Variants in ATP1A1 observed in about 807,000 individuals in gnomAD.
The protein encoded by ATP1A1 is ATPase Na+/K+ transporting subunit alpha 1.
In ATP1A1, 14 loss-of-function variants were observed where a neutral mutation model predicts 114.8. That is an observed-to-expected ratio of 0.12 (90% CI 0.08 to 0.19). The LOEUF (loss-of-function observed/expected upper bound fraction) is 0.19. Among genes scored for constraint, ATP1A1 ranks in the 10% least tolerant of loss-of-function variants. The probability of loss-of-function intolerance (pLI) is 1.00; values close to 1 mark genes in which losing one functional copy is unlikely to be tolerated. For missense variants in ATP1A1, 524 were observed against 1,290.7 expected (o/e 0.41, Z 9.10); for synonymous variants, 471 against 466.3 (o/e 1.01, Z -0.13).
Position 116,399,283 on chromosome 1 carries a change from C to A in ATP1A1, c.2449-137C>A. ...AAGGCAGCAGTTAACATTTGTTTAT[C>A]AGATGGGAATCTTTATTTTTGTATA... On this transcript the variant is annotated intron_variant, in intron 17 of 22. Transcript: ENST00000295598. This position sits in a 1 kb window ranked among gnomAD's most constrained non-coding sequence, Gnocchi z 5.0. The A allele has an allele frequency of 1.4e-6, 2 of 1,392,968 alleles. No individual in the cohort carries two copies. The highest frequency in any genetic ancestry group is 2.8e-5 in the South Asian group (2 of 70,986). The allele number at this position is 1,392,968 out of a possible 1,614,324, so 86.3% of individuals were successfully genotyped here.
intron 21 of ATP1A1, among the ~76,000 whole-genome samples, chr1:116,403,609 A>C (rs1416344199): frequency 6.6e-6 from 1 of 152,210 alleles, no homozygotes; most frequent in Non-Finnish European, 1.5e-5. Context: ...CTATAAACCA[A>C]GTCTTATGAA....
intron 1 of ATP1A1, among the ~76,000 whole-genome samples, chr1:116,375,462 C>G (rs1475535940): frequency 6.6e-6 from 1 of 152,210 alleles, no homozygotes; most frequent in Non-Finnish European, 1.5e-5. Flanking sequence ...GGCACACATG[C>G]ACAGTAGTGA....
intron 1 of ATP1A1, among the ~76,000 whole-genome samples, chr1:116,377,314 T>TA (rs1486187583): frequency 6.6e-6 from 1 of 152,216 alleles, no homozygotes; most frequent in Non-Finnish European, 1.5e-5. Flanking sequence ...CTTACATAGG[T>TA]ACAGTAATTA....
intron 18 of ATP1A1, among the ~76,000 whole-genome samples, 195 bp from the exon 19 acceptor site, chr1:116,400,666 G>T (rs553532142): frequency 1.3e-5 from 2 of 152,142 alleles, no homozygotes; most frequent in Non-Finnish European, 2.9e-5. Context: ...TGAGATTGGA[G>T]TGTATGCCTG....
intron 12 of ATP1A1, among the ~76,000 whole-genome samples, chr1:116,394,599 C>A (rs1652752891): frequency 6.6e-6 from 1 of 151,898 alleles, no homozygotes. Flanking sequence ...AGATGATAAA[C>A]CCCCTGGGCA....
In ATP1A1 at chr1:116,398,092, G is replaced by C; in HGVS notation, c.2124+54G>C. On this transcript the variant is annotated intron_variant, in intron 15 of 22. Transcript: ENST00000295598. This position sits in a 1 kb window ranked among gnomAD's most constrained non-coding sequence, Gnocchi z 6.1. ...TGGGCACTATTGGCTTTAGGGATTG[G>C]AGTTCCAGTGGAAACAGAGCAACGG... 6.3e-7 allele frequency: 1 copy of C among 1,599,158 alleles called. No individual in the cohort carries two copies. The highest frequency in any genetic ancestry group is 8.5e-7 in the Non-Finnish European group (1 of 1,171,864).
chr1:116,383,878 T>C, intron 1 of ATP1A1, 136 bp from the exon 2 acceptor site: 3 of 698,946 alleles, frequency 4.3e-6, no homozygotes, highest in South Asian at 1.9e-5. Context: ...TGGGTATACA[T>C]TTTCCTGACT....
At position 116,393,347 on chromosome 1, in the gene ATP1A1, C is replaced by G. The variant is rs1306366267; in HGVS notation, c.1468-184C>G. On this transcript the variant is annotated intron_variant, in intron 11 of 22. Transcript: ENST00000295598. The surrounding 1 kb of genome is among the most constrained non-coding windows in gnomAD (Gnocchi z 5.0). Reference sequence around the variant, plus strand: ...AGGAATTTATGAATATATCATAGTGCTCATTTTTTTTTTTTTCTGTAGCAT... The same window carrying G: ...AGGAATTTATGAATATATCATAGTGGTCATTTTTTTTTTTTTCTGTAGCAT... 7.3e-6 allele frequency among the ~76,000 whole-genome samples: 1 copy of G among 136,386 alleles called. No individual in the cohort carries two copies. The highest frequency in any genetic ancestry group is 3.7e-5 in the African/African-American group (1 of 26,706). The allele number at this position is 136,386 out of a possible 152,430, so 89.5% of individuals were successfully genotyped here.
chr1:116,403,413 C>A (rs1653690860), intron 21 of ATP1A1, among the ~76,000 whole-genome samples: 1 of 152,212 alleles, frequency 6.6e-6, no homozygotes, highest in African/African-American at 2.4e-5. Context: ...ATCCCAAATG[C>A]TGTTGTCAGA....
Position 116,404,068 on chromosome 1 carries a change from C to G in ATP1A1, c.3043+93C>G. On this transcript the variant is annotated intron_variant, in intron 22 of 22. Transcript: ENST00000295598. This position sits in a 1 kb window ranked among gnomAD's most constrained non-coding sequence, Gnocchi z 4.8. ...GTTTCCCTCAAGGTGTCTAGGCTCC[C>G]TCAGTGGTCAGTCTGATTAGCTAAG... The G allele has an allele frequency of 8.0e-7, 1 of 1,249,626 alleles. No homozygotes were observed. The allele number at this position is 1,249,626 out of a possible 1,614,324, so 77.4% of individuals were successfully genotyped here. A position where few individuals can be genotyped will look rare whatever the true frequency, so the allele number is the denominator to read the frequency against.
chr1:116,377,892 TG>T (rs1474673568), intron 1 of ATP1A1, among the ~76,000 whole-genome samples: 1 of 152,222 alleles, frequency 6.6e-6, no homozygotes, highest in African/African-American at 2.4e-5. Context: ...TACATGATAA[TG>T]TGCAGTAGAG....
At chr1:116,403,831 T>C in intron 21 of ATP1A1, 53 bp from the exon 22 acceptor site, 1 of 1,466,910 alleles carries the variant, frequency 6.8e-7, no homozygotes, top group South Asian at 1.2e-5. Flanking sequence ...TTCTCTTTCT[T>C]TATTTGAACT....
At chr1:116,390,042 A>C in intron 8 of ATP1A1, 171 bp from the exon 9 acceptor site, 1 of 727,588 alleles carries the variant, frequency 1.4e-6, no homozygotes, top group Non-Finnish European at 2.3e-6. Flanking sequence ...GCTTTTCTGG[A>C]AGGAAGGGGA....
Position 116,386,690 on chromosome 1 carries a change from G to A in ATP1A1, c.184-598G>A, listed in dbSNP as rs75085924. On this transcript the variant is annotated intron_variant, in intron 3 of 22. Coordinates refer to ENST00000295598, the MANE Select transcript of ATP1A1 (RefSeq NM_000701.8). Reference sequence around the variant, plus strand: ...AAAAATAGCAGGCTTTAGTAGAGTGGTTTTTTCCAGTGAGTACTTTTCAGT... The same window carrying A: ...AAAAATAGCAGGCTTTAGTAGAGTGATTTTTTCCAGTGAGTACTTTTCAGT... Among the ~76,000 whole-genome samples the A allele has an allele frequency of 9.0e-3, 1,369 of 152,210 alleles. 19 individuals carry two copies. The highest frequency in any genetic ancestry group is 0.031 in the African/African-American group (1,286 of 41,520).
At chr1:116,374,170 T>C in intron 1 of ATP1A1, 6 of 1,549,918 alleles carry the variant, frequency 3.9e-6, no homozygotes, top group Non-Finnish European at 5.2e-6. Context: ...TGGCTGCTTC[T>C]AAGTGCGAAG....
chr1:116,377,024 C>T (rs953729659), intron 1 of ATP1A1, among the ~76,000 whole-genome samples: 2 of 152,198 alleles, frequency 1.3e-5, no homozygotes, highest in African/African-American at 4.8e-5. Flanking sequence ...AGTGACTTTC[C>T]ATTCAAATCA....
At position 116,399,282 on chromosome 1, in the gene ATP1A1, T is replaced by A; in HGVS notation, c.2449-138T>A. The A allele has an allele frequency of 7.2e-7, 1 of 1,393,776 alleles. No individual in the cohort carries two copies. Among genetic ancestry groups the A allele is most frequent in the South Asian group, 1.4e-5 (1 of 71,006 alleles). 86.3% of individuals were successfully genotyped at this position (1,393,776 alleles called of 1,614,324 possible). On this transcript the variant is annotated intron_variant, in intron 17 of 22. Coordinates refer to ENST00000295598, the MANE Select transcript of ATP1A1 (RefSeq NM_000701.8). The surrounding 1 kb of genome is among the most constrained non-coding windows in gnomAD (Gnocchi z 5.0). ...CAAGGCAGCAGTTAACATTTGTTTA[T>A]CAGATGGGAATCTTTATTTTTGTAT...
rs867319873 is a variant in ATP1A1 at position 116,397,728 on chromosome 1, T to A, written c.1974-160T>A. Reference sequence around the variant, plus strand: ...AAATATATGAAAATGCTCTGTAACCTGTAAAGTACTGAACACTTAATAGCT... The same window carrying A: ...AAATATATGAAAATGCTCTGTAACCAGTAAAGTACTGAACACTTAATAGCT... On this transcript the variant is annotated intron_variant, in intron 14 of 22. Transcript: ENST00000295598. This position sits in a 1 kb window ranked among gnomAD's most constrained non-coding sequence, Gnocchi z 4.2. Among the ~76,000 whole-genome samples the A allele has an allele frequency of 7.9e-5, 12 of 152,348 alleles. No homozygotes were observed. Among genetic ancestry groups the A allele is most frequent in the South Asian group, 2.1e-4 (1 of 4,828 alleles).
chr1:116,378,561 T>C (rs1347174223), intron 1 of ATP1A1, among the ~76,000 whole-genome samples: 1 of 152,176 alleles, frequency 6.6e-6, no homozygotes, highest in Non-Finnish European at 1.5e-5. Flanking sequence ...TCTGTTACCA[T>C]GTAGGGGCAG....
Sources: gnomAD v4.1 joint callset for allele counts (sites outside exome capture counted in the v4.1 genomes callset) on GRCh38, gnomAD v4.1.1 for gene constraint, Gnocchi (gnomAD v3.1) non-coding constraint, MANE v1.5 for transcripts, NCBI Gene and HGNC (gene_info 2026-07-23, HGNC 2026-07-21) for gene names.